The following CTNND2 variants were observed in gnomAD, a reference collection of about 807,000 sequenced individuals.
CTNND2 encodes the protein catenin delta-2.
A neutral mutation model predicts 144.4 loss-of-function variants in CTNND2; 22 were observed. The ratio of observed to expected loss-of-function variants is 0.15; its 90% CI spans 0.11 to 0.22. The LOEUF is 0.22. Ranked by LOEUF, CTNND2 falls within the 10% of genes least tolerant of loss-of-function variation. CTNND2 has a pLI of 1.00. For synonymous variants in CTNND2, 751 were observed against 695.6 expected (o/e 1.08, Z -1.25); for missense variants, 1,353 against 1,618.8 (o/e 0.84, Z 2.82).
At chr5:11,165,723 C>T (rs1188441365) in intron 11 of CTNND2, among the ~76,000 whole-genome samples, 1 of 152,096 alleles carries the variant, frequency 6.6e-6, no homozygotes, top group Non-Finnish European at 1.5e-5. Context: ...CAGAATGGCT[C>T]TTTTCCTTGA....
At chr5:11,478,927 A>G (rs1356732710) in intron 3 of CTNND2, among the ~76,000 whole-genome samples, 2 of 152,232 alleles carry the variant, frequency 1.3e-5, no homozygotes, top group East Asian at 3.8e-4. Context: ...GAACAAATTT[A>G]ACAATAGCAA....
At chr5:11,796,296 C>A (rs954593274) in intron 1 of CTNND2, among the ~76,000 whole-genome samples, 3 of 152,202 alleles carry the variant, frequency 2.0e-5, no homozygotes, top group Admixed American at 1.3e-4. Flanking sequence ...CAGGGCTATT[C>A]TTCCACGAAC....
chr5:11,449,395 T>G (rs914299496), intron 3 of CTNND2, among the ~76,000 whole-genome samples: 3 of 152,216 alleles, frequency 2.0e-5, no homozygotes, highest in African/African-American at 7.2e-5. Context: ...GGCTGCATTA[T>G]CCTAGCCAAA....
intron 3 of CTNND2, among the ~76,000 whole-genome samples, chr5:11,454,319 T>G (rs189089603): frequency 6.6e-6 from 1 of 151,726 alleles, no homozygotes; most frequent in East Asian, 1.9e-4. Context: ...ACTAGGGAGG[T>G]TGAGGCAGGA....
intron 10 of CTNND2, among the ~76,000 whole-genome samples, chr5:11,226,618 T>C (rs1458039319): frequency 6.6e-6 from 1 of 152,220 alleles, no homozygotes; most frequent in Non-Finnish European, 1.5e-5. Context: ...CTCCCCTTTA[T>C]AAAACCATCA....
chr5:11,330,362 T>C (rs1447446693), intron 9 of CTNND2, among the ~76,000 whole-genome samples: 4 of 148,054 alleles, frequency 2.7e-5, no homozygotes, highest in Non-Finnish European at 5.9e-5. Flanking sequence ...CGGGCACCTG[T>C]AGTCTCAGCT....
chr5:11,546,616 A>G (rs1775258256), intron 3 of CTNND2, among the ~76,000 whole-genome samples: 1 of 152,232 alleles, frequency 6.6e-6, no homozygotes, highest in South Asian at 2.1e-4. Context: ...TTTAAAAAAA[A>G]GAACATTTCC....
chr5:11,749,753 G>A (rs1201801212), intron 1 of CTNND2, among the ~76,000 whole-genome samples: 1 of 151,704 alleles, frequency 6.6e-6, no homozygotes, highest in African/African-American at 2.4e-5. Context: ...CTTCTCCATG[G>A]TTTACATAAA....
At chr5:11,284,737 T>C (rs992714959) in intron 9 of CTNND2, among the ~76,000 whole-genome samples, 1 of 152,218 alleles carries the variant, frequency 6.6e-6, no homozygotes, top group African/African-American at 2.4e-5. Context: ...TGTACATGTG[T>C]CTTTATAACA....
At chr5:11,110,215 T>C (rs748023076) in intron 14 of CTNND2, among the ~76,000 whole-genome samples, 3 of 152,160 alleles carry the variant, frequency 2.0e-5, no homozygotes, top group Non-Finnish European at 2.9e-5. Flanking sequence ...GGCCTTCGTT[T>C]TGCTGCAGGG....
intron 2 of CTNND2, among the ~76,000 whole-genome samples, chr5:11,716,071 T>G (rs1302911908): frequency 6.6e-6 from 1 of 152,192 alleles, no homozygotes; most frequent in Non-Finnish European, 1.5e-5. Flanking sequence ...GTAACCATTC[T>G]GGGGCCACCA....
chr5:11,625,892 T>C (rs993800808), intron 2 of CTNND2, among the ~76,000 whole-genome samples: 1 of 152,170 alleles, frequency 6.6e-6, no homozygotes, highest in Admixed American at 6.5e-5. Context: ...ACCTTAATAA[T>C]GCCAACAAAA....
intron 11 of CTNND2, among the ~76,000 whole-genome samples, chr5:11,162,083 G>C (rs61751857): frequency 1.3e-5 from 2 of 151,980 alleles, no homozygotes; most frequent in South Asian, 2.1e-4. Context: ...CTGGGAGTGG[G>C]GGGGGGTTGC....
At chr5:11,079,666 C>A (rs554893679) in intron 16 of CTNND2, among the ~76,000 whole-genome samples, 3 of 152,174 alleles carry the variant, frequency 2.0e-5, no homozygotes, top group African/African-American at 7.2e-5. Context: ...GGATTCTTTT[C>A]CCCCCAAATA....
At chr5:11,308,682 A>G (rs1750500328) in intron 9 of CTNND2, among the ~76,000 whole-genome samples, 1 of 152,234 alleles carries the variant, frequency 6.6e-6, no homozygotes, top group African/African-American at 2.4e-5. Flanking sequence ...GTTCAGGGCA[A>G]AAGTAATCAG....
chr5:11,052,907 G>A (rs1163760366), intron 16 of CTNND2, among the ~76,000 whole-genome samples: 1 of 152,042 alleles, frequency 6.6e-6, no homozygotes, highest in Non-Finnish European at 1.5e-5. Flanking sequence ...CTTATTTTTG[G>A]TCTGTGTTCA....
At chr5:11,445,827 A>G (rs1296569050) in intron 3 of CTNND2, among the ~76,000 whole-genome samples, 1 of 152,252 alleles carries the variant, frequency 6.6e-6, no homozygotes, top group East Asian at 1.9e-4. Flanking sequence ...TATGGAAACC[A>G]ATTTTCTAAA....
At chr5:11,827,331 C>A (rs1793656003) in intron 1 of CTNND2, among the ~76,000 whole-genome samples, 1 of 152,122 alleles carries the variant, frequency 6.6e-6, no homozygotes, top group Non-Finnish European at 1.5e-5. Context: ...TTGCAGTGGG[C>A]AAAATGTGCT....
At chr5:11,184,585 A>C (rs1008955137) in intron 11 of CTNND2, among the ~76,000 whole-genome samples, 7 of 152,190 alleles carry the variant, frequency 4.6e-5, no homozygotes, top group Non-Finnish European at 1.5e-5. Flanking sequence ...TTTATGCTCA[A>C]GGTTCCATGG....
Sources: gnomAD v4.1 joint callset for allele counts (sites outside exome capture counted in the v4.1 genomes callset) on GRCh38, gnomAD v4.1.1 for gene constraint, MANE v1.5 for transcripts, NCBI Gene and HGNC (gene_info 2026-07-23, HGNC 2026-07-21) for gene names.